The following TTLL11 variants were observed in gnomAD, a reference collection of about 807,000 sequenced individuals.
TTLL11 encodes the protein tubulin tyrosine ligase like 11, also known as tubulin polyglutamylase TTLL11.
Under a neutral mutation model 51.7 loss-of-function variants are expected in TTLL11, and 42 were observed. The observed-to-expected ratio is 0.81, with a 90% CI of 0.64 to 1.05. TTLL11 has a LOEUF of 1.05. Ranked by LOEUF, TTLL11 falls within the 50% of genes least tolerant of loss-of-function variation. The probability of loss-of-function intolerance (pLI) is 0.00; values close to 1 mark genes in which losing one functional copy is unlikely to be tolerated. For missense variants in TTLL11, 799 were observed against 940.4 expected (o/e 0.85, Z 1.97); for synonymous variants, 381 against 383.5 (o/e 0.99, Z 0.08).
rs150723697 is a variant in TTLL11 at position 121,931,270 on chromosome 9, C to T, written c.1481+42739G>A. Among the ~76,000 whole-genome samples the T allele has an allele frequency of 6.4e-4, 98 of 152,358 alleles. No homozygotes were observed. In the Middle Eastern group the frequency reaches 0.017, roughly 26 times the overall value. On this transcript the variant is annotated intron_variant, in intron 6 of 8. Coordinates refer to ENST00000321582, the MANE Select transcript of TTLL11 (RefSeq NM_001139442.2). The stretch of plus-strand genomic sequence containing the variant: ...ATGCTAATGGCACCAGGCCACCCTA[C>T]GTCCTCAGAGCCCCTTGTGGGCATG...
chr9:122,019,508 G>A (rs1354911314), intron 3 of TTLL11, among the ~76,000 whole-genome samples: 2 of 152,146 alleles, frequency 1.3e-5, no homozygotes, highest in Admixed American at 1.3e-4. Flanking sequence ...GGAATGCAGT[G>A]GCATGATCTT....
At chr9:121,847,528 G>A (rs1410466046) in intron 8 of TTLL11, among the ~76,000 whole-genome samples, 1 of 152,086 alleles carries the variant, frequency 6.6e-6, no homozygotes, top group Non-Finnish European at 1.5e-5. Flanking sequence ...TTACAAATAA[G>A]TCTATGTCTA....
At chr9:121,860,821 G>C (rs1246237034) in intron 7 of TTLL11, among the ~76,000 whole-genome samples, 2 of 152,214 alleles carry the variant, frequency 1.3e-5, no homozygotes, top group Non-Finnish European at 2.9e-5. Context: ...GTAAATGTTT[G>C]TTGTTTAAGC....
At chr9:122,037,308 T>C (rs1844731242) in intron 2 of TTLL11, among the ~76,000 whole-genome samples, 1 of 152,184 alleles carries the variant, frequency 6.6e-6, no homozygotes, top group Non-Finnish European at 1.5e-5. Context: ...AAATAATAGC[T>C]ATCCCATTAA....
chr9:121,925,836 C>A (rs1305014022), intron 6 of TTLL11, among the ~76,000 whole-genome samples: 1 of 152,158 alleles, frequency 6.6e-6, no homozygotes, highest in African/African-American at 2.4e-5. Context: ...CCACCCTCAC[C>A]CTTTGTTTAA....
chr9:121,956,683 G>A (rs762877743), intron 6 of TTLL11, among the ~76,000 whole-genome samples: 18 of 150,548 alleles, frequency 1.2e-4, no homozygotes, highest in Non-Finnish European at 2.1e-4. Flanking sequence ...ACACAAGGCC[G>A]GGGGTGGCAG....
At chr9:122,053,176 G>A (rs537158140) in intron 1 of TTLL11, among the ~76,000 whole-genome samples, 31 of 152,260 alleles carry the variant, frequency 2.0e-4, no homozygotes, top group Non-Finnish European at 3.4e-4. Context: ...TCCAGGAGCC[G>A]GGTCGGGGTA....
chr9:121,862,650 C>T (rs537838687), intron 7 of TTLL11, among the ~76,000 whole-genome samples: 2 of 152,356 alleles, frequency 1.3e-5, no homozygotes, highest in Admixed American at 1.3e-4. Flanking sequence ...AGGTGCACCC[C>T]TGTCCTGGAC....
intron 6 of TTLL11, among the ~76,000 whole-genome samples, chr9:121,902,195 G>A (rs1839802524): frequency 6.6e-6 from 1 of 152,144 alleles, no homozygotes; most frequent in Admixed American, 6.5e-5. Context: ...TGAACACTTT[G>A]GTGCCTATCC....
At chr9:121,877,888 CG>C (rs1273121396) in intron 6 of TTLL11, among the ~76,000 whole-genome samples, 1 of 152,136 alleles carries the variant, frequency 6.6e-6, no homozygotes, top group East Asian at 1.9e-4. Flanking sequence ...CCTCCATACA[CG>C]GGGAGCTGTC....
intron 7 of TTLL11, among the ~76,000 whole-genome samples, chr9:121,863,607 G>A (rs7863807): frequency 0.73 from 111,391 of 152,148 alleles, 41,391 homozygotes; most frequent in East Asian, 0.9. Context: ...GTTGATTGCA[G>A]CATCTGCTAC....
At position 121,853,439 on chromosome 9, in the gene TTLL11, G is replaced by T. The variant is rs1368018358; in HGVS notation, c.1840+6898C>A. ...GAGGGAGGGGACCTGGGGGGTGGTG[G>T]TGAGCAAGGAGAGGGGGTTCCTGCA... On this transcript the variant is annotated intron_variant, in intron 8 of 8. Transcript: ENST00000321582. This position sits in a 1 kb window ranked among gnomAD's most constrained non-coding sequence, Gnocchi z 5.6. 6.6e-6 allele frequency among the ~76,000 whole-genome samples: 1 copy of T among 150,658 alleles called. No homozygotes were observed. The highest frequency in any genetic ancestry group is 2.4e-5 in the African/African-American group (1 of 40,926).
chr9:122,026,474 T>G (rs749340434), intron 3 of TTLL11, among the ~76,000 whole-genome samples: 25 of 150,886 alleles, frequency 1.7e-4, no homozygotes, highest in Non-Finnish European at 3.5e-4. Flanking sequence ...GACAGAAGGA[T>G]TACAAAGGGA....
chr9:121,879,308 C>G (rs1227239724), intron 6 of TTLL11, among the ~76,000 whole-genome samples: 1 of 152,166 alleles, frequency 6.6e-6, no homozygotes, highest in Non-Finnish European at 1.5e-5. Flanking sequence ...GATTGACTTT[C>G]CGCTCCTCCA....
chr9:122,048,315 T>C (rs1845072733), intron 1 of TTLL11, among the ~76,000 whole-genome samples: 1 of 152,016 alleles, frequency 6.6e-6, no homozygotes, highest in African/African-American at 2.4e-5. Flanking sequence ...TATAAGCAAA[T>C]GGCACAGCAC....
In TTLL11 at chr9:122,093,070, T is replaced by C. The variant is rs1846312744; in HGVS notation, c.79A>G (p.Lys27Glu). Residue 27 changes from lysine (K) to glutamate (E), a missense_variant, in exon 1 of 9, where the codon AAA becomes GAA. Physicochemically the swap from Lys to Glu is moderately conservative, Grantham distance 56 (BLOSUM62 1). Coordinates refer to ENST00000321582, the MANE Select transcript of TTLL11 (RefSeq NM_001139442.2). Reference sequence around the variant, plus strand: ...TCCGCTGTGGCCTCGGCCTCAGCTTTGGCCGCCGCTTTGGCCGCAGCCACC... The same window carrying C: ...TCCGCTGTGGCCTCGGCCTCAGCTTCGGCCGCCGCTTTGGCCGCAGCCACC... ...EAVAAAKAAA[K>E]AEAEATAETV... 3 of 1,468,252 alleles carry C rather than the reference T, an allele frequency of 2.0e-6. No individual in the cohort carries two copies. In the African/African-American group the frequency reaches 4.4e-5, roughly 21 times the overall value. 91.0% of individuals were successfully genotyped at this position (1,468,252 alleles called of 1,614,324 possible).
chr9:121,866,766 T>C (rs996742864), intron 7 of TTLL11, among the ~76,000 whole-genome samples: 7 of 152,098 alleles, frequency 4.6e-5, no homozygotes, highest in Non-Finnish European at 5.9e-5. Flanking sequence ...AGACATTTGT[T>C]GGGAAGGGAG....
intron 6 of TTLL11, among the ~76,000 whole-genome samples, chr9:121,968,925 A>G (rs1291588387): frequency 6.6e-6 from 1 of 151,840 alleles, no homozygotes; most frequent in Non-Finnish European, 1.5e-5. Context: ...GCTGGAGGGT[A>G]GTGGCACGAT....
At chr9:121,929,788 AGCT>A (rs1033333286) in intron 6 of TTLL11, among the ~76,000 whole-genome samples, 2 of 152,230 alleles carry the variant, frequency 1.3e-5, no homozygotes, top group Non-Finnish European at 2.9e-5. Context: ...GCCCCTCTCC[AGCT>A]GTGTGACCCC....
Sources: gnomAD v4.1 joint callset for allele counts (sites outside exome capture counted in the v4.1 genomes callset) on GRCh38, gnomAD v4.1.1 for gene constraint, Gnocchi (gnomAD v3.1) non-coding constraint, MANE v1.5 for transcripts, NCBI Gene and HGNC (gene_info 2026-07-23, HGNC 2026-07-21) for gene names.